The following GPATCH1 variants were observed in gnomAD, a reference collection of about 807,000 sequenced individuals.
The protein encoded by GPATCH1 is G-patch domain containing 1.
Under a neutral mutation model 114.9 loss-of-function variants are expected in GPATCH1, and 73 were observed. That is an observed-to-expected ratio of 0.64 (90% confidence interval 0.53 to 0.77). The LOEUF is 0.77. Among genes scored for constraint, GPATCH1 ranks in the 30% least tolerant of loss-of-function variants. GPATCH1 has a pLI of 0.00. For synonymous variants in GPATCH1, 391 were observed against 428.4 expected, an observed-to-expected ratio of 0.91 and a Z score of 1.08; for missense variants, 1,058 against 1,144.3, an observed-to-expected ratio of 0.92 and a Z score of 1.09.
At chr19:33,125,476 C>G (rs1973030984) in intron 18 of GPATCH1, among the ~76,000 whole-genome samples, 2 of 151,850 alleles carry the variant, frequency 1.3e-5, no homozygotes, top group African/African-American at 4.8e-5. Context: ...CCTCTACCTC[C>G]TGGGTTCAAG....
chr19:33,103,397 C>T (rs1972748410), intron 9 of GPATCH1, among the ~76,000 whole-genome samples: 1 of 152,044 alleles, frequency 6.6e-6, no homozygotes, highest in African/African-American at 2.4e-5. Flanking sequence ...AGGTGTTTTA[C>T]ATGTATGAAA....
At chr19:33,118,590 T>C (rs1972942342) in intron 16 of GPATCH1, among the ~76,000 whole-genome samples, 1 of 152,200 alleles carries the variant, frequency 6.6e-6, no homozygotes, top group Non-Finnish European at 1.5e-5. Flanking sequence ...AGGTTTTTTC[T>C]TTGATAATTT....
chr19:33,104,393 C>T (rs1364861977), intron 9 of GPATCH1, among the ~76,000 whole-genome samples: 3 of 151,202 alleles, frequency 2.0e-5, no homozygotes, highest in Non-Finnish European at 2.9e-5. Flanking sequence ...AAGTTGTGGA[C>T]ACACTCCTCC....
rs78239076 is a variant in GPATCH1 at position 33,123,653 on chromosome 19, G to A, written c.2522-1452G>A. Among the ~76,000 whole-genome samples, 622 of 152,044 alleles carry A rather than the reference G, an allele frequency of 4.1e-3. 2 individuals are homozygous for A. The highest frequency in any genetic ancestry group is 5.9e-3 in the Non-Finnish European group (404 of 67,978). ...TGTAGTCCCAGCTACTCGGGAAGCC[G>A]AGGTAGGAGGATATGTGAACCGAGG... is the stretch of plus-strand genomic sequence containing the variant. On this transcript the variant is annotated intron_variant, in intron 17 of 19. Coordinates refer to ENST00000170564, the MANE Select transcript of GPATCH1 (RefSeq NM_018025.3).
intron 9 of GPATCH1, among the ~76,000 whole-genome samples, chr19:33,103,952 TCA>T (rs1972754586): frequency 6.6e-6 from 1 of 152,082 alleles, no homozygotes; most frequent in Admixed American, 6.6e-5. Context: ...ATCTAGCCTT[TCA>T]CACACAGATT....
At chr19:33,103,667 C>T (rs1211134235) in intron 9 of GPATCH1, among the ~76,000 whole-genome samples, 1 of 151,622 alleles carries the variant, frequency 6.6e-6, no homozygotes, top group East Asian at 1.9e-4. Context: ...TGCCACTGCA[C>T]GTCTAGCCTG....
chr19:33,108,764 T>C (rs987683671), intron 10 of GPATCH1, among the ~76,000 whole-genome samples: 2 of 152,116 alleles, frequency 1.3e-5, no homozygotes, highest in African/African-American at 4.8e-5. Flanking sequence ...CTCATGAGTG[T>C]TTGTCCCATT....
chr19:33,094,934 G>A (rs1388204971), intron 5 of GPATCH1, among the ~76,000 whole-genome samples: 1 of 152,128 alleles, frequency 6.6e-6, no homozygotes, highest in Non-Finnish European at 1.5e-5. Flanking sequence ...GGATGCTGAG[G>A]TGAGATTATC....
At chr19:33,096,480 C>T (rs2094651893) in intron 7 of GPATCH1, 34 bp downstream of exon 7, 7 of 1,544,860 alleles carry the variant, frequency 4.5e-6, no homozygotes, top group Non-Finnish European at 6.2e-6. Context: ...AAGGGGGAGT[C>T]ATTGATAAAT....
intron 1 of GPATCH1, among the ~76,000 whole-genome samples, chr19:33,083,108 G>T (rs928007951): frequency 4.4e-5 from 4 of 90,324 alleles, no homozygotes; most frequent in South Asian, 4.0e-4. Flanking sequence ...GGGCGTGGTG[G>T]GGGGGGGCTC....
At chr19:33,085,553 G>T (rs1212505781) in intron 1 of GPATCH1, among the ~76,000 whole-genome samples, 2 of 152,030 alleles carry the variant, frequency 1.3e-5, no homozygotes, top group Non-Finnish European at 2.9e-5. Flanking sequence ...GCCAACCAGG[G>T]GCTCGTTGAA....
chr19:33,098,616 CCT>C (rs1972690734), intron 8 of GPATCH1, among the ~76,000 whole-genome samples: 1 of 152,160 alleles, frequency 6.6e-6, no homozygotes, highest in Non-Finnish European at 1.5e-5. Context: ...AGGCTCATAA[CCT>C]CTCTGGGCAT....
intron 1 of GPATCH1, among the ~76,000 whole-genome samples, chr19:33,083,263 ATAGAG>A (rs1275457784): frequency 6.7e-6 from 1 of 149,504 alleles, no homozygotes; most frequent in African/African-American, 2.5e-5. Flanking sequence ...AAAAAAAAAA[ATAGAG>A]ATGGGATCCT....
In GPATCH1 at chr19:33,130,230, A is replaced by G; in HGVS notation, c.*70A>G. The G allele has an allele frequency of 9.3e-7, 1 of 1,076,088 alleles. No homozygotes were observed. Among genetic ancestry groups the G allele is most frequent in the Non-Finnish European group, 1.5e-6 (1 of 689,632 alleles). 66.7% of individuals were successfully genotyped at this position (1,076,088 alleles called of 1,614,324 possible). ...ATGGAAGCCCAGTGATTGTTCAGTT[A>G]ACGCATTGTACAGAGTGTATTTATA... On this transcript the variant is annotated 3_prime_UTR_variant, in exon 20 of 20. Transcript: ENST00000170564.
intron 17 of GPATCH1, among the ~76,000 whole-genome samples, chr19:33,124,760 T>C (rs1449974980): frequency 6.6e-6 from 1 of 152,182 alleles, no homozygotes; most frequent in African/African-American, 2.4e-5. Context: ...GTTCCAATTT[T>C]GGTCTGTTTC....
chr19:33,100,535 C>T (rs1233709189), intron 8 of GPATCH1, among the ~76,000 whole-genome samples: 1 of 144,350 alleles, frequency 6.9e-6, no homozygotes, highest in South Asian at 2.2e-4. Context: ...TTGCAGTGAG[C>T]CAAGATTGTG....
At chr19:33,082,626 T>TGACC (rs1259798240) in intron 1 of GPATCH1, among the ~76,000 whole-genome samples, 1 of 151,618 alleles carries the variant, frequency 6.6e-6, no homozygotes, top group Non-Finnish European at 1.5e-5. Context: ...GGAGGATTGC[T>TGACC]TGAGGTCAGG....
At chr19:33,099,500 C>G (rs899456602) in intron 8 of GPATCH1, among the ~76,000 whole-genome samples, 1 of 152,036 alleles carries the variant, frequency 6.6e-6, no homozygotes, top group African/African-American at 2.4e-5. Flanking sequence ...CTCTCTCCCC[C>G]CCTGCAGGGT....
At chr19:33,126,278 A>T in intron 18 of GPATCH1, among the ~76,000 whole-genome samples, 1 of 152,232 alleles carries the variant, frequency 6.6e-6, no homozygotes. Context: ...GAGGTGGCAC[A>T]GGTCACCATG....
Sources: gnomAD v4.1 joint callset for allele counts (sites outside exome capture counted in the v4.1 genomes callset) on GRCh38, gnomAD v4.1.1 for gene constraint, MANE v1.5 for transcripts, NCBI Gene and HGNC (gene_info 2026-07-23, HGNC 2026-07-21) for gene names.